LMO1: variants seen among roughly 807,000 people sequenced by gnomAD.
The protein encoded by LMO1 is LIM domain only 1.
Under a neutral mutation model 18.0 loss-of-function variants are expected in LMO1, and 10 were observed. That is an observed-to-expected ratio of 0.55 (90% CI 0.34 to 0.94). The LOEUF is 0.94. LMO1 is among the 40% of genes least tolerant of loss of function. The pLI is 0.02. For missense variants in LMO1, 183 were observed against 205.7 expected (o/e 0.89, Z 0.68); for synonymous variants, 77 against 77.9 (o/e 0.99, Z 0.06).
intron 1 of LMO1, among the ~76,000 whole-genome samples, chr11:8,239,252 A>G (rs540460014): frequency 5.3e-5 from 8 of 152,248 alleles, no homozygotes; most frequent in Middle Eastern, 3.4e-3. Flanking sequence ...GGGGCTGGGG[A>G]CATACTTAGA....
chr11:8,266,208 A>G (rs938065643), upstream of LMO1, among the ~76,000 whole-genome samples: 1 of 152,126 alleles, frequency 6.6e-6, no homozygotes, highest in Non-Finnish European at 1.5e-5. Context: ...CTGGAGAGGA[A>G]CCTTCACAGC....
chr11:8,243,123 T>C (rs1299387241), intron 1 of LMO1, among the ~76,000 whole-genome samples: 1 of 152,102 alleles, frequency 6.6e-6, no homozygotes, highest in Non-Finnish European at 1.5e-5. Context: ...GAAACCCCTT[T>C]GGCTGGGGCT....
chr11:8,245,234 C>A (rs1846874943), intron 1 of LMO1, among the ~76,000 whole-genome samples: 1 of 152,144 alleles, frequency 6.6e-6, no homozygotes, highest in Non-Finnish European at 1.5e-5. Context: ...TACAACTGGC[C>A]ATGTCTGGGC....
intron 1 of LMO1, among the ~76,000 whole-genome samples, chr11:8,244,493 C>T (rs756267113): frequency 1.3e-5 from 2 of 152,192 alleles, no homozygotes; most frequent in Non-Finnish European, 2.9e-5. Flanking sequence ...TGATTTATTA[C>T]GATGATTAGC....
At chr11:8,238,731 T>C (rs1266850137) in intron 1 of LMO1, among the ~76,000 whole-genome samples, 1 of 149,504 alleles carries the variant, frequency 6.7e-6, no homozygotes, top group Non-Finnish European at 1.5e-5. Flanking sequence ...GGACATATTA[T>C]CAACTGAGAG....
intron 3 of LMO1, 113 bp from the exon 4 acceptor site, chr11:8,224,834 G>C: frequency 1.4e-6 from 1 of 707,892 alleles, no homozygotes. Context: ...GAGGTGGTGG[G>C]GGGAGTTTGT....
At chr11:8,236,404 C>T (rs373076168) in intron 1 of LMO1, among the ~76,000 whole-genome samples, 9 of 151,172 alleles carry the variant, frequency 6.0e-5, no homozygotes, top group Admixed American at 1.3e-4. Context: ...AAGGTCTCAA[C>T]TATGTTGCCC....
upstream of LMO1, chr11:8,268,762 G>T (rs1847288040): frequency 4.9e-6 from 1 of 203,072 alleles, no homozygotes; most frequent in Non-Finnish European, 9.9e-6. Context: ...CTTCCTCCGC[G>T]CCGGCCGTAC....
At chr11:8,252,173 T>C (rs1847013235) in intron 1 of LMO1, among the ~76,000 whole-genome samples, 1 of 152,178 alleles carries the variant, frequency 6.6e-6, no homozygotes, top group African/African-American at 2.4e-5. Context: ...ACATGCCAAC[T>C]TGCTGGGGTA....
At chr11:8,242,827 T>G (rs913261309) in intron 1 of LMO1, among the ~76,000 whole-genome samples, 1 of 152,228 alleles carries the variant, frequency 6.6e-6, no homozygotes, top group Non-Finnish European at 1.5e-5. Flanking sequence ...ACCAGCGCGC[T>G]GAACCAGAAA....
At chr11:8,230,550 T>A (rs1952640493) in intron 1 of LMO1, 46 bp from the exon 2 acceptor site, 2 of 1,563,722 alleles carry the variant, frequency 1.3e-6, no homozygotes, top group Admixed American at 1.7e-5. Context: ...GCCCCGTAGC[T>A]CTGGGCCTCA....
upstream of LMO1, among the ~76,000 whole-genome samples, chr11:8,266,949 T>A (rs780732932): frequency 4.6e-5 from 7 of 152,240 alleles, no homozygotes; most frequent in Non-Finnish European, 7.4e-5. Context: ...ACCTACAGAC[T>A]TCGCAGTGCA....
intron 1 of LMO1, among the ~76,000 whole-genome samples, chr11:8,261,417 A>G (rs898937250): frequency 6.6e-6 from 1 of 152,220 alleles, no homozygotes; most frequent in African/African-American, 2.4e-5. Context: ...CCTTTGTATT[A>G]TCTCAGAGCC....
intron 1 of LMO1, among the ~76,000 whole-genome samples, chr11:8,249,883 C>T (rs148911714): frequency 0.025 from 3,841 of 152,302 alleles, 79 homozygotes; most frequent in Admixed American, 0.034. Flanking sequence ...AAGCATCTAC[C>T]AGCAGGGGCT....
rs1183795088 is a variant in LMO1 at position 8,224,418 on chromosome 11, CCTGGCCCCAGGAGGGGT to C, written c.*181_*197del. 2.0e-5 allele frequency: 12 copies of C among 594,878 alleles called. No homozygotes were observed. Among genetic ancestry groups the C allele is most frequent in the Middle Eastern group, 4.4e-4 (1 of 2,270 alleles). 36.8% of individuals were successfully genotyped at this position (594,878 alleles called of 1,614,324 possible). ...CAGAAGACAGACTGTACAGGCCCGGCCTGGCCCCAGGAGGGGTCACACACAGACGGGCGGTGGTGGAG... is the reference window on the plus strand; with the variant it reads ...CAGAAGACAGACTGTACAGGCCCGGCCACACACAGACGGGCGGTGGTGGAG... On this transcript the variant is annotated 3_prime_UTR_variant, in exon 4 of 4. Coordinates refer to ENST00000335790, the MANE Select transcript of LMO1 (RefSeq NM_002315.3).
intron 1 of LMO1, among the ~76,000 whole-genome samples, chr11:8,262,882 T>G (rs1208422090): frequency 6.6e-6 from 1 of 151,608 alleles, no homozygotes; most frequent in African/African-American, 2.4e-5. Context: ...AGCCCGATTC[T>G]CCCCGAAGCC....
At chr11:8,256,444 CCCAGTTGACCT>C (rs1423801953) in intron 1 of LMO1, among the ~76,000 whole-genome samples, 1 of 152,182 alleles carries the variant, frequency 6.6e-6, no homozygotes, top group Non-Finnish European at 1.5e-5. Flanking sequence ...CTCAAGAAAG[CCCAGTTGACCT>C]CCAGGGGAAG....
At chr11:8,250,467 C>A (rs1018984859) in intron 1 of LMO1, among the ~76,000 whole-genome samples, 3 of 152,182 alleles carry the variant, frequency 2.0e-5, no homozygotes, top group African/African-American at 7.2e-5. Context: ...CTCCGAGGAT[C>A]AAAGAATAGC....
chr11:8,236,872 C>T (rs1004428066), intron 1 of LMO1, among the ~76,000 whole-genome samples: 10 of 152,208 alleles, frequency 6.6e-5, no homozygotes, highest in East Asian at 1.9e-4. Flanking sequence ...TATGAGCATG[C>T]GTTTTGGTGT....
Sources: allele counts gnomAD v4.1 joint callset (sites outside exome capture counted in the v4.1 genomes callset), GRCh38; gene constraint gnomAD v4.1.1; transcripts MANE v1.5; gene names NCBI Gene and HGNC (gene_info 2026-07-23, HGNC 2026-07-21).